Variants in GPR137B observed in about 807,000 individuals in gnomAD.
GPR137B encodes the protein integral membrane protein GPR137B.
In GPR137B, 42 loss-of-function variants were observed where a neutral mutation model predicts 42.5. The observed-to-expected ratio is 0.99, with a 90% CI of 0.77 to 1.28. The LOEUF (loss-of-function observed/expected upper bound fraction) is 1.28. Ranked by LOEUF, GPR137B falls within the 50% of genes most tolerant of loss-of-function variation. The pLI, the probability that GPR137B is intolerant of heterozygous loss-of-function variation, is 0.00. For missense variants in GPR137B, 487 were observed against 493.9 expected (o/e 0.99, Z 0.13); for synonymous variants, 218 against 209.7 (o/e 1.04, Z -0.34).
chr1:236,167,368 A>G (rs1662391716), intron 1 of GPR137B, among the ~76,000 whole-genome samples: 2 of 152,344 alleles, frequency 1.3e-5, no homozygotes, highest in Admixed American at 1.3e-4. Flanking sequence ...GGACTTACTC[A>G]ACGTGGCTGG....
chr1:236,195,950 CA>C (rs1663320059), intron 5 of GPR137B, among the ~76,000 whole-genome samples: 1 of 152,040 alleles, frequency 6.6e-6, no homozygotes, highest in South Asian at 2.1e-4. Flanking sequence ...TTGATTACTA[CA>C]CCTTTTCCTA....
rs886809534 is a variant in GPR137B, at chr1:236,185,424, C to T, written c.966+1518C>T. 7.2e-5 allele frequency among the ~76,000 whole-genome samples: 11 copies of T among 152,178 alleles called. 1 individual carries two copies. Among genetic ancestry groups the T allele is most frequent in the African/African-American group, 2.2e-4 (9 of 41,434 alleles). ...CCATCTGTATCCGAATCCCTCAGGGCGCTTGGTGTAAAGATTCTTAGGTCA... is the reference window on the plus strand; with the variant it reads ...CCATCTGTATCCGAATCCCTCAGGGTGCTTGGTGTAAAGATTCTTAGGTCA... On this transcript the variant is annotated intron_variant, in intron 5 of 6. Coordinates refer to ENST00000366592, the MANE Select transcript of GPR137B (RefSeq NM_003272.4).
At chr1:236,165,928 G>T (rs1662340013) in intron 1 of GPR137B, among the ~76,000 whole-genome samples, 1 of 152,196 alleles carries the variant, frequency 6.6e-6, no homozygotes, top group Non-Finnish European at 1.5e-5. Flanking sequence ...AATTGTTGGG[G>T]CAAAGCATAT....
intron 1 of GPR137B, among the ~76,000 whole-genome samples, chr1:236,152,925 G>T (rs1460511025): frequency 6.6e-6 from 1 of 151,360 alleles, no homozygotes; most frequent in African/African-American, 2.4e-5. Context: ...GTGCAGTGGC[G>T]GGCGCCTGTA....
rs762551731 is a variant in GPR137B at position 236,142,710 on chromosome 1, C to A, written c.88C>A (p.Pro30Thr). The change falls in exon 1 of 7, where the codon CCG becomes ACG. Residue 30 changes from proline (P) to threonine (T), a missense_variant. Coordinates refer to ENST00000366592, the MANE Select transcript of GPR137B (RefSeq NM_003272.4). Reference sequence around the variant, plus strand: ...GGACCCAGCCCGCAACGACTCGCTGCCGCCCACGCTGACCCCGGCCGTGCC... The same window carrying A: ...GGACCCAGCCCGCAACGACTCGCTGACGCCCACGCTGACCCCGGCCGTGCC... ...PWDPARNDSL[P>T]PTLTPAVPPY... The A allele has an allele frequency of 2.5e-6, 4 of 1,601,138 alleles. No homozygotes were observed. The Admixed American group carries it at 5.1e-5, about 20-fold the overall frequency.
At position 236,142,638 on chromosome 1, in the gene GPR137B, C is replaced by G. The variant is rs539406117; in HGVS notation, c.16C>G (p.Pro6Ala). ...GTGAGCCCCGATGAGGCCCGAGCGT[C>G]CCCGGCCGCGCGGCAGCGCCCCCGG... The part of the protein sequence containing the change: MRPER[P>A]RPRGSAPGPM... Residue 6 changes from proline (P) to alanine (A), a missense_variant, in exon 1 of 7, where the codon CCC (proline) becomes GCC (alanine). Physicochemically the swap from Pro to Ala is conservative, Grantham distance 27. Coordinates refer to ENST00000366592, the MANE Select transcript of GPR137B (RefSeq NM_003272.4). The G allele has an allele frequency of 1.8e-5, 27 of 1,489,022 alleles. No individual in the cohort carries two copies. The East Asian group carries it at 7.0e-4, about 39-fold the overall frequency. The allele number at this position is 1,489,022 out of a possible 1,614,324, so 92.2% of individuals were successfully genotyped here. A position where few individuals can be genotyped will look rare whatever the true frequency, so the allele number is the denominator to read the frequency against.
At chr1:236,183,719 C>G in intron 4 of GPR137B, 59 bp from the exon 5 acceptor site, 3 of 1,293,470 alleles carry the variant, frequency 2.3e-6, no homozygotes, top group Non-Finnish European at 3.3e-6. Context: ...TAGAAAGAAA[C>G]AATCAAATTT....
At chr1:236,151,641 C>T (rs760771042) in intron 1 of GPR137B, among the ~76,000 whole-genome samples, 1 of 152,200 alleles carries the variant, frequency 6.6e-6, no homozygotes, top group Non-Finnish European at 1.5e-5. Context: ...CCAGGATGAT[C>T]TCGATCTCTT....
intron 5 of GPR137B, among the ~76,000 whole-genome samples, chr1:236,195,126 CTT>C (rs1558494534): frequency 1.3e-5 from 2 of 152,054 alleles, no homozygotes; most frequent in Non-Finnish European, 2.9e-5. Context: ...CAATCACACT[CTT>C]TTAGTTATTT....
chr1:236,178,663 T>G, intron 3 of GPR137B, 27 bp downstream of exon 3: 1 of 1,370,606 alleles, frequency 7.3e-7, no homozygotes, highest in Non-Finnish European at 1.0e-6. Context: ...TCAAGATCCC[T>G]CCCATGAAAC....
rs1663740454 is a variant in GPR137B at position 236,208,674 on chromosome 1, T to C, written c.*516T>C. On this transcript the variant is annotated 3_prime_UTR_variant, in exon 7 of 7. Coordinates refer to ENST00000366592, the MANE Select transcript of GPR137B (RefSeq NM_003272.4). The stretch of plus-strand genomic sequence containing the variant: ...AAAATACAGTTGACAACTTAGCCAA[T>C]TGCAACTCCAGTGTTGATAATTAAA... 4 of 985,656 alleles carry C rather than the reference T, an allele frequency of 4.1e-6. No individual in the cohort carries two copies. The highest frequency in any genetic ancestry group is 3.5e-5 in the African/African-American group (2 of 57,322). The allele number at this position is 985,656 out of a possible 1,614,324, so 61.1% of individuals were successfully genotyped here.
At chr1:236,164,321 G>T (rs191783586) in intron 1 of GPR137B, among the ~76,000 whole-genome samples, 5 of 152,204 alleles carry the variant, frequency 3.3e-5, no homozygotes, top group Admixed American at 2.6e-4. Flanking sequence ...TCTCATAGGG[G>T]TCACACCTCC....
At chr1:236,148,356 T>C (rs1199671771) in intron 1 of GPR137B, among the ~76,000 whole-genome samples, 1 of 152,178 alleles carries the variant, frequency 6.6e-6, no homozygotes, top group Non-Finnish European at 1.5e-5. Flanking sequence ...CAGCCACGTA[T>C]CCCAGCCCTT....
intron 5 of GPR137B, among the ~76,000 whole-genome samples, chr1:236,184,137 C>T (rs775449969): frequency 6.6e-6 from 1 of 152,146 alleles, no homozygotes; most frequent in Admixed American, 6.5e-5. Flanking sequence ...TAAGTTGCAT[C>T]TTAAGGCCTG....
At chr1:236,185,681 A>G (rs1444525962) in intron 5 of GPR137B, among the ~76,000 whole-genome samples, 3 of 152,054 alleles carry the variant, frequency 2.0e-5, no homozygotes, top group Non-Finnish European at 2.9e-5. Context: ...TTAGTCTTGC[A>G]TGTAGCTGGG....
chr1:236,188,798 C>T lies in GPR137B; in HGVS notation c.966+4892C>T, dbSNP rs1376458326. ...AAATTTTCTTTTTGTTGTTGTGTCT[C>T]TGCCAGGTTTTGGTATTAGGATGAT... On this transcript the variant is annotated intron_variant, in intron 5 of 6. Coordinates refer to ENST00000366592, the MANE Select transcript of GPR137B (RefSeq NM_003272.4). Among the ~76,000 whole-genome samples, 5 of 152,290 alleles carry T rather than the reference C, an allele frequency of 3.3e-5. No individual in the cohort carries two copies. In the East Asian group the frequency reaches 9.6e-4, roughly 29 times the overall value.
At chr1:236,151,991 A>T (rs1661880959) in intron 1 of GPR137B, among the ~76,000 whole-genome samples, 1 of 152,020 alleles carries the variant, frequency 6.6e-6, no homozygotes, top group Non-Finnish European at 1.5e-5. Flanking sequence ...GGTGTGAGCA[A>T]CCTTGGCGTG....
chr1:236,178,450 T>C lies in GPR137B; in HGVS notation c.501T>C (p.Leu167=), dbSNP rs1662755187. ...ACCTGGCCTCCCTCTTCATCAGCCTTGTTTTCCTGTTGGTGAATTTAACCT... is the reference window on the plus strand; with the variant it reads ...ACCTGGCCTCCCTCTTCATCAGCCTCGTTTTCCTGTTGGTGAATTTAACCT... The part of the protein sequence containing the change: ...PLYLASLFIS[L]VFLLVNLTCA... Residue 167 remains leucine (L), a synonymous_variant, in exon 3 of 7, where the codon CTT becomes CTC. Coordinates refer to ENST00000366592, the MANE Select transcript of GPR137B (RefSeq NM_003272.4). 2 of 1,613,898 alleles carry C rather than the reference T, an allele frequency of 1.2e-6. No individual in the cohort carries two copies. Among genetic ancestry groups the C allele is most frequent in the Non-Finnish European group, 1.7e-6 (2 of 1,179,958 alleles).
chr1:236,160,573 C>G (rs1662160076), intron 1 of GPR137B, among the ~76,000 whole-genome samples: 1 of 152,224 alleles, frequency 6.6e-6, no homozygotes, highest in South Asian at 2.1e-4. Context: ...GTCTCCCCAT[C>G]TTAAAAACAA....
Sources: allele counts gnomAD v4.1 joint callset (sites outside exome capture counted in the v4.1 genomes callset), GRCh38; gene constraint gnomAD v4.1.1; transcripts MANE v1.5; gene names NCBI Gene and HGNC (gene_info 2026-07-23, HGNC 2026-07-21).